PTPRM: variants seen among roughly 807,000 people sequenced by gnomAD.
PTPRM encodes the protein receptor-type tyrosine-protein phosphatase mu.
Under a neutral mutation model 186.7 loss-of-function variants are expected in PTPRM, and 47 were observed. The observed-to-expected ratio is 0.25, with a 90% CI of 0.20 to 0.32. The LOEUF is 0.32. Among genes scored for constraint, PTPRM ranks in the 10% least tolerant of loss-of-function variants. The pLI is 1.00. For synonymous variants in PTPRM, 668 were observed against 674.9 expected, an observed-to-expected ratio of 0.99 and a Z score of 0.16; for missense variants, 1,494 against 1,865.0, an observed-to-expected ratio of 0.80 and a Z score of 3.66.
intron 7 of PTPRM, among the ~76,000 whole-genome samples, chr18:8,002,784 G>A: frequency 6.6e-6 from 1 of 152,150 alleles, no homozygotes; most frequent in East Asian, 1.9e-4. Context: ...CAACAGAGGT[G>A]GAGTAAAGTG....
chr18:7,575,776 G>A (rs971116328), intron 1 of PTPRM, among the ~76,000 whole-genome samples: 1 of 152,168 alleles, frequency 6.6e-6, no homozygotes, highest in Admixed American at 6.5e-5. Context: ...TCTGCAAGGA[G>A]TGACTTCTAC....
chr18:7,929,289 G>C (rs1179682140), intron 5 of PTPRM, among the ~76,000 whole-genome samples: 1 of 152,108 alleles, frequency 6.6e-6, no homozygotes. Flanking sequence ...TCCATGTACT[G>C]ATCTTTGAAT....
chr18:7,821,070 C>T (rs537420057), intron 2 of PTPRM, among the ~76,000 whole-genome samples: 7 of 152,244 alleles, frequency 4.6e-5, no homozygotes, highest in African/African-American at 1.7e-4. Flanking sequence ...TCAAATCCCA[C>T]CTCCTCATTC....
Position 8,380,381 on chromosome 18 carries a change from A to G in PTPRM, c.3872A>G (p.Tyr1291Cys), listed in dbSNP as rs1364865262. The G allele has an allele frequency of 6.2e-7, 1 of 1,614,114 alleles. No homozygotes were observed. The highest frequency in any genetic ancestry group is 1.3e-5 in the African/African-American group (1 of 74,930). ...GACTTTTGGAGACTGGTCCTGGATTATCACTGCACATCCGTAGTTATGCTA... is the reference window on the plus strand; with the variant it reads ...GACTTTTGGAGACTGGTCCTGGATTGTCACTGCACATCCGTAGTTATGCTA... The part of the protein sequence containing the change: ...VKDFWRLVLD[Y>C]HCTSVVMLND... The change falls in exon 29 of 33, where the codon TAT (tyrosine) becomes TGT (cysteine). Residue 1291 changes from tyrosine to cysteine, a missense_variant. Tyr to Cys is a radical substitution (Grantham distance 194). Around this residue, in one of 3 missense-constraint regions of PTPRM, gnomAD observed 1,107 missense variants for 1,350.2 expected, o/e 0.82. Coordinates refer to ENST00000580170, the MANE Select transcript of PTPRM (RefSeq NM_001105244.2).
At chr18:7,804,993 A>G (rs2044161568) in intron 2 of PTPRM, among the ~76,000 whole-genome samples, 2 of 152,154 alleles carry the variant, frequency 1.3e-5, no homozygotes, top group Admixed American at 1.3e-4. Context: ...TAAGGGTACA[A>G]TTTCAGATTG....
At chr18:8,323,476 G>A (rs1474062341) in intron 22 of PTPRM, among the ~76,000 whole-genome samples, 1 of 152,170 alleles carries the variant, frequency 6.6e-6, no homozygotes, top group African/African-American at 2.4e-5. Flanking sequence ...GAAAATACAT[G>A]TTAATTATTA....
At chr18:7,958,941 G>C (rs937994572) in intron 7 of PTPRM, among the ~76,000 whole-genome samples, 15 of 152,210 alleles carry the variant, frequency 9.9e-5, no homozygotes, top group Non-Finnish European at 2.2e-4. Context: ...TAGAGCCAGA[G>C]TCAGCGGTTG....
intron 1 of PTPRM, among the ~76,000 whole-genome samples, chr18:7,591,933 CAG>C (rs1194087621): frequency 6.6e-6 from 1 of 152,158 alleles, no homozygotes; most frequent in African/African-American, 2.4e-5. Flanking sequence ...ATACCAACCT[CAG>C]GGGGCTCTCC....
At chr18:7,595,018 G>A (rs897205752) in intron 1 of PTPRM, among the ~76,000 whole-genome samples, 2 of 152,132 alleles carry the variant, frequency 1.3e-5, no homozygotes, top group African/African-American at 4.8e-5. Context: ...CTGGCTAAGG[G>A]TGTTGTAGAA....
intron 1 of PTPRM, among the ~76,000 whole-genome samples, chr18:7,697,740 C>T (rs977886081): frequency 6.6e-6 from 1 of 152,168 alleles, no homozygotes; most frequent in Admixed American, 6.5e-5. Context: ...ACCAACCTGG[C>T]ATGGTAAATG....
chr18:8,169,370 T>C (rs1450010959), intron 14 of PTPRM, among the ~76,000 whole-genome samples: 1 of 151,044 alleles, frequency 6.6e-6, no homozygotes, highest in Admixed American at 6.6e-5. Flanking sequence ...GCTTATCAAA[T>C]TAGTAAGACA....
chr18:7,779,280 G>GTA (rs1308008943), intron 2 of PTPRM, among the ~76,000 whole-genome samples: 1 of 152,216 alleles, frequency 6.6e-6, no homozygotes, highest in African/African-American at 2.4e-5. Flanking sequence ...TTTCCAGGTA[G>GTA]TATAGCATGG....
At chr18:8,075,085 G>A (rs2089723404) in intron 8 of PTPRM, among the ~76,000 whole-genome samples, 3 of 152,102 alleles carry the variant, frequency 2.0e-5, no homozygotes, top group Admixed American at 2.0e-4. Flanking sequence ...GTGTGAGATA[G>A]AAATCCAACT....
chr18:8,314,706 T>G (rs1308811818), intron 20 of PTPRM, 75 bp from the exon 21 acceptor site: 2 of 1,027,498 alleles, frequency 1.9e-6, no homozygotes, highest in African/African-American at 3.2e-5. Context: ...TGTAATATGC[T>G]TACATTCTGG....
chr18:7,788,795 G>A (rs1013142475), intron 2 of PTPRM, among the ~76,000 whole-genome samples: 1 of 152,150 alleles, frequency 6.6e-6, no homozygotes, highest in Non-Finnish European at 1.5e-5. Context: ...TATTTGAAAG[G>A]CATCATAGAC....
chr18:8,330,355 C>G (rs2095405423), intron 22 of PTPRM, among the ~76,000 whole-genome samples: 2 of 152,178 alleles, frequency 1.3e-5, no homozygotes. Context: ...TCATGCAACA[C>G]CCTTCACTGC....
In PTPRM at chr18:8,265,916, A is replaced by T. The variant is rs80030640; in HGVS notation, c.2754+12502A>T. On this transcript the variant is annotated intron_variant, in intron 19 of 32. Transcript: ENST00000580170. ...TCATGGGCGTATTCTCATGGATGGA[A>T]TGTTTTTCAGTGGGCGACACTAACT... Among the ~76,000 whole-genome samples the T allele has an allele frequency of 7.4e-3, 1,125 of 152,144 alleles. 12 individuals carry two copies. Among genetic ancestry groups the T allele is most frequent in the African/African-American group, 0.026 (1,064 of 41,508 alleles).
At chr18:7,714,666 TA>T (rs2040285683) in intron 1 of PTPRM, among the ~76,000 whole-genome samples, 1 of 151,584 alleles carries the variant, frequency 6.6e-6, no homozygotes, top group Non-Finnish European at 1.5e-5. Flanking sequence ...AAAGACACAA[TA>T]AAAATGATAA....
At chr18:8,096,368 G>A (rs1336010000) in intron 11 of PTPRM, among the ~76,000 whole-genome samples, 1 of 152,216 alleles carries the variant, frequency 6.6e-6, no homozygotes, top group Non-Finnish European at 1.5e-5. Context: ...CCTTCACAGT[G>A]GAGGCCACAC....
Sources: allele counts gnomAD v4.1 joint callset (sites outside exome capture counted in the v4.1 genomes callset), GRCh38; gene constraint gnomAD v4.1.1; regional missense constraint gnomAD v4.1.1; transcripts MANE v1.5; gene names NCBI Gene and HGNC (gene_info 2026-07-23, HGNC 2026-07-21).